The following RHBDL3 variants were observed in gnomAD, a reference collection of about 807,000 sequenced individuals.
RHBDL3 encodes rhomboid like 3.
RHBDL3 carries 28 observed loss-of-function variants against 48.2 expected under a neutral mutation model. That is an observed-to-expected ratio of 0.58 (90% CI 0.43 to 0.80). The LOEUF is 0.80. RHBDL3 is among the 30% of genes least tolerant of loss of function. The probability of loss-of-function intolerance (pLI) is 0.00; values close to 1 mark genes in which losing one functional copy is unlikely to be tolerated. For synonymous variants in RHBDL3, 208 were observed against 232.3 expected, an observed-to-expected ratio of 0.90 and a Z score of 0.95; for missense variants, 464 against 542.7, an observed-to-expected ratio of 0.85 and a Z score of 1.44.
At chr17:32,290,222 A>T (rs1440488702) in intron 4 of RHBDL3, among the ~76,000 whole-genome samples, 1 of 152,142 alleles carries the variant, frequency 6.6e-6, no homozygotes, top group Non-Finnish European at 1.5e-5. Flanking sequence ...CCCAACACGA[A>T]TTATAGCTTC....
chr17:32,273,203 C>CT (rs1386071337), intron 2 of RHBDL3, among the ~76,000 whole-genome samples: 2 of 152,130 alleles, frequency 1.3e-5, no homozygotes, highest in African/African-American at 4.8e-5. Flanking sequence ...GGTTTCACCA[C>CT]TTTGGCCAGG....
chr17:32,317,497 G>T (rs73270694), intron 8 of RHBDL3, among the ~76,000 whole-genome samples: 2,010 of 152,302 alleles, frequency 0.013, 41 homozygotes, highest in African/African-American at 0.046. Context: ...CTGAGTGTTA[G>T]AGGCAAGCAG....
intron 4 of RHBDL3, among the ~76,000 whole-genome samples, chr17:32,293,257 G>T (rs1477203923): frequency 6.6e-6 from 1 of 151,978 alleles, no homozygotes; most frequent in African/African-American, 2.4e-5. Flanking sequence ...AGTGATGGTA[G>T]CGCAGCAACA....
intron 4 of RHBDL3, 35 bp from the exon 5 acceptor site, chr17:32,294,259 T>C: frequency 6.2e-7 from 1 of 1,601,358 alleles, no homozygotes; most frequent in Non-Finnish European, 8.5e-7. Flanking sequence ...CTGGGCAGTG[T>C]GCACCTAGTA....
intron 5 of RHBDL3, 80 bp downstream of exon 5, chr17:32,294,522 GT>G: frequency 7.5e-7 from 1 of 1,330,730 alleles, no homozygotes; most frequent in Non-Finnish European, 1.0e-6. Flanking sequence ...TTGAAATATA[GT>G]TTTTAGTTTA....
At chr17:32,287,473 C>A (rs1223421743) in intron 3 of RHBDL3, among the ~76,000 whole-genome samples, 1 of 152,158 alleles carries the variant, frequency 6.6e-6, no homozygotes, top group Non-Finnish European at 1.5e-5. Flanking sequence ...GGAAAAGGTT[C>A]ATCTGGGATG....
At chr17:32,275,181 C>T (rs1050395236) in intron 2 of RHBDL3, among the ~76,000 whole-genome samples, 4 of 152,168 alleles carry the variant, frequency 2.6e-5, no homozygotes, top group African/African-American at 9.7e-5. Context: ...ATTCACTCCC[C>T]ACTCCCTGCC....
At chr17:32,282,668 G>A (rs893795122) in intron 2 of RHBDL3, among the ~76,000 whole-genome samples, 2 of 152,110 alleles carry the variant, frequency 1.3e-5, no homozygotes, top group Non-Finnish European at 2.9e-5. Flanking sequence ...TGTAGCCCAG[G>A]CTGGAGTGCA....
rs903225343 is a variant in RHBDL3 at position 32,298,185 on chromosome 17, C to T, written c.762C>T (p.Tyr254=). The change falls in exon 6 of 9, where the codon TAC becomes TAT. Residue 254 remains tyrosine (Y), a synonymous_variant. Transcript: ENST00000269051. Reference sequence around the variant, plus strand: ...GAGCCACCCGAATTGGGCTTGTCTACGTGGCCGGTGTTGTGGCAGGTAGGC... The same window carrying T: ...GAGCCACCCGAATTGGGCTTGTCTATGTGGCCGGTGTTGTGGCAGGTAGGC... ...VHGATRIGLV[Y]VAGVVAGSLA... The T allele has an allele frequency of 5.6e-6, 9 of 1,613,410 alleles. No homozygotes were observed. The highest frequency in any genetic ancestry group is 3.3e-5 in the South Asian group (3 of 91,032).
intron 8 of RHBDL3, among the ~76,000 whole-genome samples, chr17:32,317,993 G>A (rs888434135): frequency 6.6e-6 from 1 of 151,506 alleles, no homozygotes; most frequent in African/African-American, 2.4e-5. Context: ...AGGATCGCTT[G>A]AGCCCAGGAG....
intron 2 of RHBDL3, among the ~76,000 whole-genome samples, chr17:32,274,998 C>T (rs889175621): frequency 6.9e-5 from 8 of 116,250 alleles, no homozygotes; most frequent in Non-Finnish European, 6.3e-5. Context: ...CTTTATCCTG[C>T]CTGCCATGCA....
chr17:32,314,903 T>C (rs1367380722), intron 7 of RHBDL3, among the ~76,000 whole-genome samples: 1 of 152,190 alleles, frequency 6.6e-6, no homozygotes, highest in Non-Finnish European at 1.5e-5. Context: ...CTTCCTAGCA[T>C]GGAACATGTC....
intron 4 of RHBDL3, among the ~76,000 whole-genome samples, chr17:32,289,747 C>T (rs1222303052): frequency 3.9e-5 from 6 of 152,180 alleles, no homozygotes; most frequent in Non-Finnish European, 8.8e-5. Context: ...CCTGTGCAGC[C>T]CACCCCAGCT....
chr17:32,301,680 G>GCT (rs963121775), intron 6 of RHBDL3, among the ~76,000 whole-genome samples: 2 of 152,018 alleles, frequency 1.3e-5, no homozygotes, highest in Non-Finnish European at 2.9e-5. Context: ...AATTAGCTGG[G>GCT]CATGATGGCA....
intron 6 of RHBDL3, among the ~76,000 whole-genome samples, chr17:32,302,851 T>G (rs2040618445): frequency 6.6e-6 from 1 of 152,130 alleles, no homozygotes; most frequent in African/African-American, 2.4e-5. Context: ...ACTGGCAAAC[T>G]GTTCTCTAGG....
intron 5 of RHBDL3, among the ~76,000 whole-genome samples, chr17:32,296,242 CAAAAAAA>C (rs61503250): frequency 2.3e-3 from 205 of 90,582 alleles, no homozygotes; most frequent in African/African-American, 7.5e-3. Flanking sequence ...GACTCCATCT[CAAAAAAA>C]AAAAAAAAAG....
intron 2 of RHBDL3, chr17:32,284,383 T>G (rs758007885): frequency 8.1e-6 from 3 of 369,208 alleles, no homozygotes; most frequent in Non-Finnish European, 1.5e-5. Context: ...CACTTCCCTC[T>G]CCATGGTGAG....
At position 32,288,962 on chromosome 17, in the gene RHBDL3, C is replaced by T. The variant is rs752387425; in HGVS notation, c.465C>T (p.Asp155=). The T allele has an allele frequency of 6.2e-7, 1 of 1,614,216 alleles. No homozygotes were observed. The highest frequency in any genetic ancestry group is 8.5e-7 in the Non-Finnish European group (1 of 1,180,038). The change falls in exon 4 of 9, where the codon GAC becomes GAT. Residue 155 remains aspartate (D), a synonymous_variant. Transcript: ENST00000269051. ...PREIDRKWYY[D]SYTCCPPPWF... is the part of the protein sequence containing the mutation. ...AAATTGACCGCAAGTGGTACTATGA[C>T]AGCTACACCTGCTGCCCCCCACCCT...
Position 32,265,839 on chromosome 17 carries a change from G to A in RHBDL3, c.-351G>A, listed in dbSNP as rs897114706. Reference sequence around the variant, plus strand: ...GGAGGAGGAGACTCGGGCGCAGAGCGGGGGCCGCGAGAAGCGGGAAGGGAG... The same window carrying A: ...GGAGGAGGAGACTCGGGCGCAGAGCAGGGGCCGCGAGAAGCGGGAAGGGAG... On this transcript the variant is annotated 5_prime_UTR_variant, in exon 1 of 9. Transcript: ENST00000269051. Among the ~76,000 whole-genome samples, 1 of 147,460 alleles carries A rather than the reference G, an allele frequency of 6.8e-6. No individual in the cohort carries two copies. Among genetic ancestry groups the A allele is most frequent in the Non-Finnish European group, 1.5e-5 (1 of 66,170 alleles).
Sources: allele counts gnomAD v4.1 joint callset (sites outside exome capture counted in the v4.1 genomes callset), GRCh38; gene constraint gnomAD v4.1.1; transcripts MANE v1.5; gene names NCBI Gene and HGNC (gene_info 2026-07-23, HGNC 2026-07-21).